BICRA: variants seen among roughly 807,000 people sequenced by gnomAD.
BICRA encodes the protein BRD4-interacting chromatin-remodeling complex-associated protein.
A neutral mutation model predicts 96.9 loss-of-function variants in BICRA; 31 were observed. That is an observed-to-expected ratio of 0.32 (90% CI 0.24 to 0.43). BICRA has a LOEUF of 0.43. Among genes scored for constraint, BICRA ranks in the 20% least tolerant of loss-of-function variants. The pLI, the probability that BICRA is intolerant of heterozygous loss-of-function variation, is 1.00. For missense variants in BICRA, 2,283 were observed against 2,190.3 expected, an observed-to-expected ratio of 1.04 and a Z score of -0.84; for synonymous variants, 1,350 against 1,071.8, an observed-to-expected ratio of 1.26 and a Z score of -5.07.
At chr19:47,631,370 G>A (rs1972219470) in intron 1 of BICRA, among the ~76,000 whole-genome samples, 2 of 152,122 alleles carry the variant, frequency 1.3e-5, no homozygotes, top group Non-Finnish European at 2.9e-5. Context: ...TGGGATTACA[G>A]GCGCACGCCA....
chr19:47,624,186 T>C (rs2123514042), intron 1 of BICRA, among the ~76,000 whole-genome samples: 1 of 152,240 alleles, frequency 6.6e-6, no homozygotes, highest in East Asian at 1.9e-4. Context: ...GTAAAACCTC[T>C]TCAGCTCCGT....
chr19:47,688,371 A>T (rs1258213212), intron 7 of BICRA, among the ~76,000 whole-genome samples: 1 of 152,160 alleles, frequency 6.6e-6, no homozygotes, highest in East Asian at 1.9e-4. Flanking sequence ...ACTTGAGGCT[A>T]GCAGTTGAAG....
At chr19:47,681,546 C>G (rs1307716893) in intron 6 of BICRA, among the ~76,000 whole-genome samples, 4 of 152,030 alleles carry the variant, frequency 2.6e-5, no homozygotes, top group Admixed American at 6.6e-5. Flanking sequence ...GGCAGACAGA[C>G]AGACAAAGAG....
intron 1 of BICRA, 123 bp from the exon 2 acceptor site, chr19:47,670,320 C>T (rs564247271): frequency 1.3e-5 from 2 of 152,464 alleles, no homozygotes; most frequent in African/African-American, 2.4e-5. Context: ...CGTCTCTCTT[C>T]CATCCCCCTC....
intron 2 of BICRA, among the ~76,000 whole-genome samples, chr19:47,670,782 C>T (rs1480483050): frequency 2.0e-5 from 3 of 152,226 alleles, no homozygotes; most frequent in Non-Finnish European, 4.4e-5. Context: ...CCCCTTTTCT[C>T]CAGATTCTTT....
intron 7 of BICRA, among the ~76,000 whole-genome samples, chr19:47,683,800 G>A (rs1973103390): frequency 6.6e-6 from 1 of 152,140 alleles, no homozygotes; most frequent in Non-Finnish European, 1.5e-5. Flanking sequence ...TAGCCAGGAT[G>A]GTCTCGATCT....
chr19:47,673,389 C>T (rs1972894644), intron 2 of BICRA, among the ~76,000 whole-genome samples, 181 bp from the exon 3 acceptor site: 1 of 152,016 alleles, frequency 6.6e-6, no homozygotes, highest in African/African-American at 2.4e-5. Flanking sequence ...TGTCCCTGGT[C>T]AGGGGTTTCT....
intron 1 of BICRA, among the ~76,000 whole-genome samples, chr19:47,642,857 G>T (rs1366044013): frequency 6.6e-6 from 1 of 152,226 alleles, no homozygotes; most frequent in African/African-American, 2.4e-5. Flanking sequence ...ACGTTCTAAC[G>T]GGTATGTAGT....
intron 1 of BICRA, among the ~76,000 whole-genome samples, chr19:47,653,688 G>A (rs1410597733): frequency 6.6e-6 from 1 of 152,210 alleles, no homozygotes; most frequent in Non-Finnish European, 1.5e-5. Flanking sequence ...GTGTGCCAGT[G>A]TTCCTTCCTT....
chr19:47,673,828 G>A, intron 4 of BICRA, 66 bp downstream of exon 4: 1 of 1,320,012 alleles, frequency 7.6e-7, no homozygotes, highest in South Asian at 1.2e-5. Context: ...GTGAGGGACA[G>A]GGAGAGACAT....
intron 7 of BICRA, among the ~76,000 whole-genome samples, chr19:47,683,698 C>T (rs149455927): frequency 0.015 from 2,275 of 152,100 alleles, 56 homozygotes; most frequent in African/African-American, 0.051. Flanking sequence ...CATTCTCCTG[C>T]CTCAGCCTCC....
At position 47,647,666 on chromosome 19, in the gene BICRA, G is replaced by A. The variant is rs561557642; in HGVS notation, c.-107-22777G>A. Among the ~76,000 whole-genome samples the A allele has an allele frequency of 5.3e-5, 8 of 152,142 alleles. No homozygotes were observed. In the East Asian group the frequency reaches 1.2e-3, roughly 22 times the overall value. On this transcript the variant is annotated intron_variant, in intron 1 of 14. Transcript: ENST00000594866. ...ATGTTCTTGTAGAATCCTCCTTCCC[G>A]GGTGAGGATTGGAAGCCATGATCGC...
intron 7 of BICRA, among the ~76,000 whole-genome samples, chr19:47,689,385 T>G (rs980006698): frequency 3.3e-5 from 5 of 151,120 alleles, no homozygotes; most frequent in Admixed American, 2.6e-4. Flanking sequence ...ATTACAGGCA[T>G]GAGCCACTGA....
At chr19:47,651,594 C>A (rs555013760) in intron 1 of BICRA, among the ~76,000 whole-genome samples, 3 of 152,104 alleles carry the variant, frequency 2.0e-5, no homozygotes, top group Non-Finnish European at 4.4e-5. Flanking sequence ...CCAGCACCAT[C>A]GGGAAAGCGT....
chr19:47,612,940 A>G (rs895323811), intron 1 of BICRA, among the ~76,000 whole-genome samples: 3 of 151,894 alleles, frequency 2.0e-5, no homozygotes, highest in African/African-American at 7.3e-5. Context: ...AGGCATAAGT[A>G]ATAAGAATTC....
chr19:47,649,757 G>A (rs1342534312), intron 1 of BICRA, among the ~76,000 whole-genome samples: 1 of 152,136 alleles, frequency 6.6e-6, no homozygotes, highest in African/African-American at 2.4e-5. Flanking sequence ...TCATCCACAG[G>A]TGGAAGGAGA....
At chr19:47,681,359 C>G in intron 6 of BICRA, 83 bp downstream of exon 6, 5 of 1,262,134 alleles carry the variant, frequency 4.0e-6, no homozygotes, top group Non-Finnish European at 5.5e-6. Context: ...GCGCCAAGAT[C>G]CAAAAGTGGA....
intron 1 of BICRA, among the ~76,000 whole-genome samples, chr19:47,655,541 A>G (rs1410756563): frequency 6.1e-5 from 9 of 147,638 alleles, no homozygotes; most frequent in Non-Finnish European, 1.2e-4. Context: ...AAAAAAAAAA[A>G]AAAAAAATTA....
At chr19:47,685,760 T>TGC (rs1973137607) in intron 7 of BICRA, among the ~76,000 whole-genome samples, 1 of 127,406 alleles carries the variant, frequency 7.8e-6, no homozygotes, top group Non-Finnish European at 1.6e-5. Flanking sequence ...TGTGTGTGTG[T>TGC]GTGTGTGTGT....
Sources: allele counts gnomAD v4.1 joint callset (sites outside exome capture counted in the v4.1 genomes callset), GRCh38; gene constraint gnomAD v4.1.1; transcripts MANE v1.5; gene names NCBI Gene and HGNC (gene_info 2026-07-23, HGNC 2026-07-21).